Variants in AGTPBP1 observed in about 807,000 individuals in gnomAD.
AGTPBP1 encodes cytosolic carboxypeptidase 1.
AGTPBP1 carries 70 observed loss-of-function variants against 143.9 expected under a neutral mutation model. The ratio of observed to expected loss-of-function variants is 0.49; its 90% CI spans 0.40 to 0.59. AGTPBP1 has a LOEUF of 0.59. Among genes scored for constraint, AGTPBP1 ranks in the 20% least tolerant of loss-of-function variants. AGTPBP1 has a pLI of 0.00. For missense variants in AGTPBP1, 1,229 were observed against 1,464.5 expected, an observed-to-expected ratio of 0.84 and a Z score of 2.62; for synonymous variants, 463 against 500.2, an observed-to-expected ratio of 0.93 and a Z score of 0.99.
intron 4 of AGTPBP1, 121 bp downstream of exon 4, chr9:85,681,147 G>A: frequency 1.2e-6 from 1 of 826,320 alleles, no homozygotes; most frequent in East Asian, 2.7e-5. Flanking sequence ...ATATACGTGT[G>A]TGTGTATATA....
At chr9:85,626,437 A>C (rs1831299499) in intron 14 of AGTPBP1, among the ~76,000 whole-genome samples, 1 of 152,216 alleles carries the variant, frequency 6.6e-6, no homozygotes, top group African/African-American at 2.4e-5. Context: ...GACATCATTC[A>C]TTTACAATGC....
the AGTPBP1 span, among the ~76,000 whole-genome samples, chr9:85,776,443 T>C: frequency 6.6e-6 from 1 of 152,188 alleles, no homozygotes; most frequent in African/African-American, 2.4e-5. Flanking sequence ...ACCCAACCCT[T>C]CATTCCTGAA....
chr9:85,766,579 C>T, the AGTPBP1 span, among the ~76,000 whole-genome samples: 1 of 151,974 alleles, frequency 6.6e-6, no homozygotes. Flanking sequence ...GTGCATGATA[C>T]CTATTTTGCG....
At chr9:85,782,070 G>T in the AGTPBP1 span, among the ~76,000 whole-genome samples, 1 of 152,106 alleles carries the variant, frequency 6.6e-6, no homozygotes, top group South Asian at 2.1e-4. Context: ...TTTAGGTATG[G>T]TTTATGAAAA....
intron 25 of AGTPBP1, among the ~76,000 whole-genome samples, chr9:85,562,194 A>T (rs1287737531): frequency 6.6e-6 from 1 of 151,942 alleles, no homozygotes; most frequent in Non-Finnish European, 1.5e-5. Flanking sequence ...ATAAATCTAA[A>T]ATCAATCTAA....
intron 8 of AGTPBP1, 26 bp downstream of exon 8, chr9:85,669,459 T>C: frequency 6.8e-7 from 1 of 1,477,418 alleles, no homozygotes; most frequent in Non-Finnish European, 9.4e-7. Flanking sequence ...GCTATACCTA[T>C]GTTTACATTC....
At chr9:85,586,797 A>G in intron 22 of AGTPBP1, 34 bp downstream of exon 22, 5 of 1,596,372 alleles carry the variant, frequency 3.1e-6, no homozygotes, top group Non-Finnish European at 4.3e-6. Context: ...TTTATCTTTG[A>G]CTATCCCAAG....
chr9:85,578,274 T>C (rs1398601041), intron 24 of AGTPBP1, among the ~76,000 whole-genome samples: 3 of 152,176 alleles, frequency 2.0e-5, no homozygotes, highest in Admixed American at 1.3e-4. Context: ...GAATGAGTAG[T>C]CTTAATGAAG....
intron 8 of AGTPBP1, among the ~76,000 whole-genome samples, chr9:85,663,460 A>C (rs74974812): frequency 0.021 from 3,203 of 152,180 alleles, 128 homozygotes; most frequent in African/African-American, 0.072. Context: ...AGATCAAACT[A>C]TTTCCAACTA....
At chr9:85,751,692 G>A in the AGTPBP1 span, among the ~76,000 whole-genome samples, 2 of 152,070 alleles carry the variant, frequency 1.3e-5, no homozygotes, top group Non-Finnish European at 2.9e-5. Context: ...TCAGCTCACG[G>A]TAATCTCTGC....
chr9:85,710,473 G>A (rs1837294675), intron 2 of AGTPBP1, among the ~76,000 whole-genome samples: 1 of 151,976 alleles, frequency 6.6e-6, no homozygotes, highest in African/African-American at 2.4e-5. Flanking sequence ...CCCCTTTTCA[G>A]ACCCTTAGAA....
chr9:85,781,377 T>C, the AGTPBP1 span: 3 of 1,532,462 alleles, frequency 2.0e-6, no homozygotes, highest in South Asian at 1.3e-5. Flanking sequence ...GTAAGACTTT[T>C]AGTGTTGTCA....
the AGTPBP1 span, chr9:85,785,732 C>G: frequency 5.7e-6 from 1 of 176,932 alleles, no homozygotes; most frequent in Non-Finnish European, 1.2e-5. Flanking sequence ...TTATCCAGTG[C>G]TGGCATCACT....
chr9:85,655,049 C>T (rs1833410654), intron 11 of AGTPBP1, 94 bp downstream of exon 11: 5 of 1,153,902 alleles, frequency 4.3e-6, no homozygotes, highest in Non-Finnish European at 4.7e-6. Context: ...TAAGGCCTTC[C>T]TTTGCTGAGG....
At chr9:85,804,895 G>T in the AGTPBP1 span, among the ~76,000 whole-genome samples, 1 of 152,148 alleles carries the variant, frequency 6.6e-6, no homozygotes, top group Admixed American at 6.5e-5. Context: ...ACCCCAAGTT[G>T]CAGGGAACCC....
At chr9:85,637,603 T>A (rs1832154972) in intron 13 of AGTPBP1, among the ~76,000 whole-genome samples, 1 of 152,106 alleles carries the variant, frequency 6.6e-6, no homozygotes, top group Non-Finnish European at 1.5e-5. Flanking sequence ...TCTAAAACAG[T>A]CAAGACTAGT....
Position 85,678,381 on chromosome 9 carries a change from T to C in AGTPBP1, c.243A>G (p.Gln81=). The change falls in exon 5 of 26, where the codon CAA becomes CAG. Residue 81 remains glutamine, a synonymous_variant. Transcript: ENST00000357081. ...GAATGCTTAAGATATTAAGTGTAGT[T>C]TGAAGATCTTTTGTGTTCTGAAATA... is the stretch of plus-strand genomic sequence containing the variant. ...LSTLENTKDL[Q]TTLNILSILV... is the part of the protein sequence containing the mutation. The C allele has an allele frequency of 6.3e-7, 1 of 1,587,264 alleles. No homozygotes were observed. Among genetic ancestry groups the C allele is most frequent in the East Asian group, 2.3e-5 (1 of 44,254 alleles).
the AGTPBP1 span, among the ~76,000 whole-genome samples, chr9:85,784,696 G>C: frequency 3.3e-5 from 5 of 152,092 alleles, no homozygotes; most frequent in Non-Finnish European, 1.5e-5. Flanking sequence ...GCTAGTTCAG[G>C]TTATTTGATT....
At chr9:85,780,158 G>A in the AGTPBP1 span, among the ~76,000 whole-genome samples, 4 of 151,866 alleles carry the variant, frequency 2.6e-5, no homozygotes, top group Admixed American at 2.6e-4. Flanking sequence ...CAGTAGGGGA[G>A]AGTAGGTCTG....
Sources: gnomAD v4.1 joint callset for allele counts (sites outside exome capture counted in the v4.1 genomes callset) on GRCh38, gnomAD v4.1.1 for gene constraint, MANE v1.5 for transcripts, NCBI Gene and HGNC (gene_info 2026-07-23, HGNC 2026-07-21) for gene names.